MROH1: variants seen among roughly 807,000 people sequenced by gnomAD.
MROH1 encodes maestro heat like repeat family member 1, also known as maestro heat-like repeat-containing protein family member 1.
MROH1 carries 117 observed loss-of-function variants against 116.5 expected under a neutral mutation model. The ratio of observed to expected loss-of-function variants is 1.00; its 90% CI spans 0.86 to 1.17. The LOEUF (loss-of-function observed/expected upper bound fraction) is 1.17, where lower values mean the gene tolerates loss of function less well. Ranked by LOEUF, MROH1 falls within the 50% of genes most tolerant of loss-of-function variation. The pLI, the probability that MROH1 is intolerant of heterozygous loss-of-function variation, is 0.00. For missense variants in MROH1, 1,873 were observed against 1,338.5 expected (o/e 1.40, Z -6.23); for synonymous variants, 921 against 583.9 (o/e 1.58, Z -8.32).
At chr8:144,177,059 C>T (rs1276449327) in intron 4 of MROH1, among the ~76,000 whole-genome samples, 2 of 152,138 alleles carry the variant, frequency 1.3e-5, no homozygotes, top group African/African-American at 4.8e-5. Flanking sequence ...GGAGAATTGG[C>T]AGGTTCCACG....
rs1821529863 is a variant in MROH1 at position 144,168,447 on chromosome 8, G to A, written c.168+7G>A. On this transcript the variant is annotated splice_region_variant and intron_variant, in intron 4 of 43. Coordinates refer to ENST00000326134, the MANE Select transcript of MROH1 (RefSeq NM_032450.3). ...TCTGCGGCAGCATGACAAGGTATGT[G>A]TGCTCCTTGGTGGGGATGATGTTGT... 1.3e-6 allele frequency: 2 copies of A among 1,597,830 alleles called. No individual in the cohort carries two copies. Among genetic ancestry groups the A allele is most frequent in the East Asian group, 2.2e-5 (1 of 44,738 alleles).
chr8:144,213,103 G>T, intron 12 of MROH1: 2 of 775,724 alleles, frequency 2.6e-6, no homozygotes, highest in African/African-American at 1.7e-5. Context: ...TAACGGCCGC[G>T]CCCGCGTCTG....
chr8:144,231,998 C>T (rs1554823031), intron 14 of MROH1, among the ~76,000 whole-genome samples: 2 of 152,188 alleles, frequency 1.3e-5, no homozygotes, highest in Admixed American at 1.3e-4. Context: ...GGGATAGCCA[C>T]CACCTTGCAT....
chr8:144,223,558 A>C (rs189599643), intron 14 of MROH1, among the ~76,000 whole-genome samples: 123 of 152,276 alleles, frequency 8.1e-4, no homozygotes, highest in Admixed American at 2.4e-3. Flanking sequence ...GAGCCTCTGC[A>C]TTGAGCCAGT....
intron 4 of MROH1, among the ~76,000 whole-genome samples, chr8:144,178,568 C>T (rs1395058214): frequency 1.3e-5 from 2 of 152,154 alleles, no homozygotes; most frequent in African/African-American, 4.8e-5. Flanking sequence ...CGCGCCTGTT[C>T]GGGTTTTTGC....
chr8:144,250,178 C>T (rs1181077346), intron 32 of MROH1, 34 bp from the exon 33 acceptor site: 29 of 757,856 alleles, frequency 3.8e-5, no homozygotes, highest in South Asian at 2.4e-4. Context: ...GTCCCCCACG[C>T]GTGGCCTGAC....
intron 12 of MROH1, among the ~76,000 whole-genome samples, chr8:144,208,407 GT>G (rs112541953): frequency 2.1e-4 from 31 of 146,718 alleles, no homozygotes; most frequent in African/African-American, 7.2e-4. Context: ...GGTGGGTGGG[GT>G]TTTTTTTTTT....
chr8:144,151,882 C>T (rs891203833), intron 1 of MROH1, among the ~76,000 whole-genome samples: 7 of 152,228 alleles, frequency 4.6e-5, no homozygotes, highest in African/African-American at 1.7e-4. Flanking sequence ...TCCGCAGCAC[C>T]GTGCTGCACT....
At chr8:144,172,836 T>C (rs1822850972) in intron 4 of MROH1, among the ~76,000 whole-genome samples, 1 of 152,166 alleles carries the variant, frequency 6.6e-6, no homozygotes, top group African/African-American at 2.4e-5. Context: ...TTGATTTACG[T>C]CTTTGCCTGT....
chr8:144,213,320 A>T (rs1269888946), intron 12 of MROH1: 3 of 475,996 alleles, frequency 6.3e-6, no homozygotes, highest in Non-Finnish European at 1.1e-5. Context: ...CTTGCTGATC[A>T]TAGTTTATTG....
intron 4 of MROH1, among the ~76,000 whole-genome samples, chr8:144,170,521 A>G (rs1015345853): frequency 2.6e-5 from 4 of 152,054 alleles, no homozygotes; most frequent in African/African-American, 7.2e-5. Flanking sequence ...TGTGGATCTC[A>G]CCGCATTTGC....
intron 12 of MROH1, among the ~76,000 whole-genome samples, chr8:144,206,465 C>A (rs559609965): frequency 6.6e-6 from 1 of 151,126 alleles, no homozygotes; most frequent in African/African-American, 2.4e-5. Flanking sequence ...TCTTGTTGCC[C>A]AGGCTGGAAG....
chr8:144,258,744 C>A, intron 35 of MROH1, 33 bp from the exon 36 acceptor site: 1 of 750,830 alleles, frequency 1.3e-6, no homozygotes, highest in Non-Finnish European at 2.5e-6. Context: ...GGCGTGTGTG[C>A]CCTACCAGCT....
intron 12 of MROH1, 117 bp downstream of exon 12, chr8:144,200,658 A>C (rs1296078371): frequency 2.6e-6 from 2 of 777,426 alleles, no homozygotes; most frequent in East Asian, 5.4e-5. Flanking sequence ...TTCTCTAGAA[A>C]GATTTCCCTA....
intron 37 of MROH1, among the ~76,000 whole-genome samples, chr8:144,259,566 G>A (rs1375857299): frequency 6.6e-6 from 1 of 152,202 alleles, no homozygotes. Flanking sequence ...GAGGACCGAG[G>A]CTCCCTGCAG....
At chr8:144,258,211 T>C (rs2129885439) in intron 35 of MROH1, among the ~76,000 whole-genome samples, 1 of 152,274 alleles carries the variant, frequency 6.6e-6, no homozygotes, top group African/African-American at 2.4e-5. Flanking sequence ...GTCAGAGAGT[T>C]GGCCAAGGTG....
At chr8:144,196,062 G>A (rs1255966735) in intron 10 of MROH1, among the ~76,000 whole-genome samples, 4 of 151,894 alleles carry the variant, frequency 2.6e-5, no homozygotes, top group African/African-American at 7.3e-5. Context: ...AGGCCGAGGC[G>A]GGCAAATCAC....
chr8:144,202,299 T>A (rs1304128104), intron 12 of MROH1, among the ~76,000 whole-genome samples: 5 of 129,444 alleles, frequency 3.9e-5, no homozygotes, highest in Non-Finnish European at 6.7e-5. Flanking sequence ...TGTGGAGGGG[T>A]TGGGAAGGCA....
Position 144,261,258 on chromosome 8 carries a change from C to T in MROH1, c.4775-26C>T, listed in dbSNP as rs1844996780. 2.3e-5 allele frequency: 17 copies of T among 752,628 alleles called. No individual in the cohort carries two copies. In the South Asian group the frequency reaches 2.3e-4, roughly 10 times the overall value. The allele number at this position is 752,628 out of a possible 1,614,324, so 46.6% of individuals were successfully genotyped here. On this transcript the variant is annotated intron_variant, in intron 42 of 43. Coordinates refer to ENST00000326134, the MANE Select transcript of MROH1 (RefSeq NM_032450.3). ...GCCCCACCCCCACGCCGCCCGGCAG[C>T]CCCGCCTGATGCCCCCACTTCACAG...
Sources: gnomAD v4.1 joint callset for allele counts (sites outside exome capture counted in the v4.1 genomes callset) on GRCh38, gnomAD v4.1.1 for gene constraint, MANE v1.5 for transcripts, NCBI Gene and HGNC (gene_info 2026-07-23, HGNC 2026-07-21) for gene names.